Variants in PLCB1 observed in about 807,000 individuals in gnomAD.
PLCB1 encodes the protein 1-phosphatidylinositol 4,5-bisphosphate phosphodiesterase beta-1.
Under a neutral mutation model 161.8 loss-of-function variants are expected in PLCB1, and 46 were observed. The observed-to-expected ratio is 0.28, with a 90% CI of 0.22 to 0.36. The LOEUF is 0.36. Among genes scored for constraint, PLCB1 ranks in the 10% least tolerant of loss-of-function variants. The pLI is 1.00. For synonymous variants in PLCB1, 517 were observed against 503.7 expected, an observed-to-expected ratio of 1.03 and a Z score of -0.35; for missense variants, 1,016 against 1,472.5, an observed-to-expected ratio of 0.69 and a Z score of 5.07.
chr20:8,533,808 G>T (rs1209253142), intron 3 of PLCB1, among the ~76,000 whole-genome samples: 4 of 151,986 alleles, frequency 2.6e-5, no homozygotes, highest in African/African-American at 9.7e-5. Flanking sequence ...CTCCCATTTT[G>T]TAGGTTGCCT....
chr20:8,625,281 A>G (rs936900048), intron 3 of PLCB1: 1 of 152,164 alleles, frequency 6.6e-6, no homozygotes, highest in Admixed American at 6.5e-5. Context: ...GTATTCTCTG[A>G]AAGTCTGAAA....
At chr20:8,809,181 T>C (rs1425546996) in intron 31 of PLCB1, among the ~76,000 whole-genome samples, 1 of 152,052 alleles carries the variant, frequency 6.6e-6, no homozygotes, top group Non-Finnish European at 1.5e-5. Context: ...TTTTTATTTT[T>C]AGTTTTGTAG....
At chr20:8,515,074 A>G (rs1369736242) in intron 3 of PLCB1, among the ~76,000 whole-genome samples, 1 of 152,206 alleles carries the variant, frequency 6.6e-6, no homozygotes, top group Non-Finnish European at 1.5e-5. Flanking sequence ...AAACAAAAAC[A>G]AAGGAACAAA....
At chr20:8,822,388 G>C (rs1196778398) in intron 31 of PLCB1, among the ~76,000 whole-genome samples, 1 of 152,180 alleles carries the variant, frequency 6.6e-6, no homozygotes, top group Non-Finnish European at 1.5e-5. Context: ...AGGTAGCCAG[G>C]AACCCTGTGC....
chr20:8,421,414 CAGA>C (rs1210255108), intron 3 of PLCB1, among the ~76,000 whole-genome samples: 1 of 152,070 alleles, frequency 6.6e-6, no homozygotes, highest in East Asian at 1.9e-4. Flanking sequence ...CTTGGAATAA[CAGA>C]AGTTTAGGAT....
chr20:8,689,209 G>A (rs934177591), intron 10 of PLCB1, among the ~76,000 whole-genome samples: 2 of 151,862 alleles, frequency 1.3e-5, no homozygotes, highest in East Asian at 1.9e-4. Context: ...TGAAAACTTT[G>A]CTGAATTCTC....
intron 3 of PLCB1, among the ~76,000 whole-genome samples, chr20:8,521,325 GA>G (rs11296333): frequency 0.62 from 91,149 of 148,102 alleles, 28,140 homozygotes; most frequent in African/African-American, 0.69. Context: ...TTATAAAAGG[GA>G]AAAAAAAAAA....
chr20:8,629,714 T>G (rs1007323571), intron 4 of PLCB1, among the ~76,000 whole-genome samples: 2 of 152,190 alleles, frequency 1.3e-5, no homozygotes, highest in Non-Finnish European at 2.9e-5. Flanking sequence ...AGTATTGTGA[T>G]CTACAATTTT....
intron 2 of PLCB1, among the ~76,000 whole-genome samples, chr20:8,360,734 T>C (rs1436749520): frequency 6.6e-6 from 1 of 152,206 alleles, no homozygotes; most frequent in East Asian, 1.9e-4. Flanking sequence ...AAAGCAATGT[T>C]AAGAAGCAAA....
At position 8,669,225 on chromosome 20, in the gene PLCB1, C is replaced by A. The variant is rs141910212; in HGVS notation, c.862+10521C>A. 2.5e-4 allele frequency among the ~76,000 whole-genome samples: 38 copies of A among 152,206 alleles called. No homozygotes were observed. In the East Asian group the frequency reaches 6.6e-3, roughly 26 times the overall value. ...CAAATATCTATTGAATAACTATGTG[C>A]GAGGGAAGCTTGAAGGAAAAGGAAA... On this transcript the variant is annotated intron_variant, in intron 9 of 31. Transcript: ENST00000338037.
intron 31 of PLCB1, among the ~76,000 whole-genome samples, chr20:8,809,906 C>T (rs1227857264): frequency 6.6e-6 from 1 of 152,090 alleles, no homozygotes; most frequent in Non-Finnish European, 1.5e-5. Flanking sequence ...TGTCTTCTAC[C>T]TAAAATTGCC....
chr20:8,832,781 A>G (rs11905847), intron 31 of PLCB1, among the ~76,000 whole-genome samples: 33,188 of 152,152 alleles, frequency 0.22, 4,278 homozygotes, highest in Middle Eastern at 0.32. Context: ...TTAATAAGTA[A>G]CTGTTTAAAA....
chr20:8,827,113 A>G (rs1985743613), intron 31 of PLCB1, among the ~76,000 whole-genome samples: 1 of 152,232 alleles, frequency 6.6e-6, no homozygotes, highest in Admixed American at 6.5e-5. Context: ...AGTTTATACT[A>G]TATGATAGTT....
chr20:8,776,890 G>A (rs1982969436), intron 27 of PLCB1, among the ~76,000 whole-genome samples: 1 of 152,130 alleles, frequency 6.6e-6, no homozygotes, highest in African/African-American at 2.4e-5. Flanking sequence ...ATAAGGAGGG[G>A]CGGTTTGGGG....
At chr20:8,774,024 G>C (rs1982820233) in intron 26 of PLCB1, among the ~76,000 whole-genome samples, 1 of 148,670 alleles carries the variant, frequency 6.7e-6, no homozygotes, top group Non-Finnish European at 1.5e-5. Context: ...TCAGCCAGGA[G>C]GGTTATCTGC....
At chr20:8,707,265 A>G (rs1978734971) in intron 11 of PLCB1, among the ~76,000 whole-genome samples, 1 of 152,180 alleles carries the variant, frequency 6.6e-6, no homozygotes. Flanking sequence ...AATAGCTTTC[A>G]GGAGTGGATA....
At chr20:8,854,573 A>G (rs547112255) in intron 31 of PLCB1, among the ~76,000 whole-genome samples, 7 of 152,302 alleles carry the variant, frequency 4.6e-5, no homozygotes, top group Admixed American at 1.3e-4. Context: ...GGGAGTAGGG[A>G]AATTAATTAC....
intron 2 of PLCB1, among the ~76,000 whole-genome samples, chr20:8,285,233 T>A (rs910368941): frequency 6.7e-6 from 1 of 148,698 alleles, no homozygotes; most frequent in Non-Finnish European, 1.5e-5. Context: ...CGTTTTGCTT[T>A]TATATATATA....
At chr20:8,719,290 C>T (rs949737782) in intron 14 of PLCB1, among the ~76,000 whole-genome samples, 5 of 152,118 alleles carry the variant, frequency 3.3e-5, no homozygotes, top group East Asian at 1.9e-4. Flanking sequence ...CCCTGTACCT[C>T]GGGAGTTCCA....
Sources: gnomAD v4.1 joint callset for allele counts (sites outside exome capture counted in the v4.1 genomes callset) on GRCh38, gnomAD v4.1.1 for gene constraint, MANE v1.5 for transcripts, NCBI Gene and HGNC (gene_info 2026-07-23, HGNC 2026-07-21) for gene names.